Variants in NLGN1 observed in about 807,000 individuals in gnomAD.
NLGN1 encodes the protein neuroligin 1, also known as neuroligin-1.
NLGN1 carries 12 observed loss-of-function variants against 65.5 expected under a neutral mutation model. That is an observed-to-expected ratio of 0.18 (90% CI 0.12 to 0.30). The LOEUF is 0.30. NLGN1 is among the 10% of genes least tolerant of loss of function. The probability of loss-of-function intolerance (pLI) is 1.00; values close to 1 mark genes in which losing one functional copy is unlikely to be tolerated. For synonymous variants in NLGN1, 350 were observed against 359.5 expected (o/e 0.97, Z 0.30); for missense variants, 750 against 1,007.1 (o/e 0.74, Z 3.46).
At chr3:174,230,532 A>T (rs970849513) in intron 4 of NLGN1, among the ~76,000 whole-genome samples, 7 of 152,230 alleles carry the variant, frequency 4.6e-5, no homozygotes, top group African/African-American at 7.2e-5. Context: ...TTTCATTATC[A>T]ACAATTAAAA....
At position 173,676,987 on chromosome 3, in the gene NLGN1, G is replaced by T. The variant is rs758716660; in HGVS notation, c.493+71896G>T. Among the ~76,000 whole-genome samples the T allele has an allele frequency of 2.8e-4, 43 of 152,184 alleles. No homozygotes were observed. In the Middle Eastern group the frequency reaches 0.01, roughly 36 times the overall value. The stretch of plus-strand genomic sequence containing the variant: ...TTGAATTAATTTAAAAGTGAACTGT[G>T]GGAAAATAGGTTCGGTGATAGAGCA... On this transcript the variant is annotated intron_variant, in intron 3 of 6. Transcript: ENST00000457714.
chr3:173,864,691 TGA>T (rs1306303595), intron 4 of NLGN1, among the ~76,000 whole-genome samples: 1 of 152,224 alleles, frequency 6.6e-6, no homozygotes, highest in Non-Finnish European at 1.5e-5. Flanking sequence ...TGTATGCAAC[TGA>T]AACTTACACG....
intron 4 of NLGN1, among the ~76,000 whole-genome samples, chr3:174,116,510 A>G (rs983028047): frequency 1.9e-4 from 29 of 150,948 alleles, no homozygotes; most frequent in African/African-American, 6.8e-4. Context: ...GCTAATATTT[A>G]TATTTTTTGT....
chr3:174,289,957 A>ATATATATATGTGTATATATATGTG, downstream of NLGN1, among the ~76,000 whole-genome samples: 1 of 41,550 alleles, frequency 2.4e-5, no homozygotes, highest in South Asian at 5.1e-4. Flanking sequence ...ATATATGTGT[A>ATATATATATGTGTATATATATGTG]TATATATATA....
chr3:173,534,483 A>G (rs1737119666), intron 2 of NLGN1, among the ~76,000 whole-genome samples: 1 of 152,068 alleles, frequency 6.6e-6, no homozygotes, highest in Non-Finnish European at 1.5e-5. Context: ...TCTTCCCCCC[A>G]TGGCACTTTG....
chr3:174,037,006 TGGAC>T (rs1447318981), intron 4 of NLGN1, among the ~76,000 whole-genome samples: 1 of 152,232 alleles, frequency 6.6e-6, no homozygotes, highest in Non-Finnish European at 1.5e-5. Flanking sequence ...CTACCGCTTA[TGGAC>T]ATTAGGTTAA....
chr3:173,437,695 G>A (rs764974389), intron 2 of NLGN1, among the ~76,000 whole-genome samples: 21 of 152,028 alleles, frequency 1.4e-4, no homozygotes, highest in Middle Eastern at 3.4e-3. Flanking sequence ...ATCGTGCATC[G>A]TGTGTTGTTT....
chr3:174,037,801 A>C (rs1731461992), intron 4 of NLGN1, among the ~76,000 whole-genome samples: 1 of 152,144 alleles, frequency 6.6e-6, no homozygotes, highest in South Asian at 2.1e-4. Flanking sequence ...GCCTTAGATG[A>C]AGGTTAAGGC....
intron 4 of NLGN1, among the ~76,000 whole-genome samples, chr3:174,230,212 A>T (rs1258425644): frequency 1.3e-5 from 2 of 152,162 alleles, no homozygotes; most frequent in African/African-American, 4.8e-5. Flanking sequence ...AAAAAGCACA[A>T]CTTGAAACTT....
chr3:173,705,919 G>A (rs943590484), intron 3 of NLGN1, among the ~76,000 whole-genome samples: 14 of 151,978 alleles, frequency 9.2e-5, no homozygotes, highest in Non-Finnish European at 1.9e-4. Flanking sequence ...TACAAACCAG[G>A]AAAAAATTCT....
intron 3 of NLGN1, among the ~76,000 whole-genome samples, chr3:173,758,045 A>G (rs1777401295): frequency 6.6e-6 from 1 of 152,054 alleles, no homozygotes; most frequent in Non-Finnish European, 1.5e-5. Context: ...GGCAGTTAAG[A>G]TTGTATGAGG....
chr3:174,272,712 G>GATAGATAGATAGATAGATAGAT (rs2152881031), intron 4 of NLGN1, among the ~76,000 whole-genome samples: 1 of 141,908 alleles, frequency 7.0e-6, no homozygotes, highest in Admixed American at 7.2e-5. Flanking sequence ...GATAGATATA[G>GATAGATAGATAGATAGATAGAT]ATAGATAGAA....
At chr3:173,944,124 GGTGTGTGTGTGTGTGT>G in intron 4 of NLGN1, among the ~76,000 whole-genome samples, 1 of 139,596 alleles carries the variant, frequency 7.2e-6, no homozygotes, top group South Asian at 2.3e-4. Context: ...TAATATTATG[GGTGTGTGTGTGTGTGT>G]GTGTGTGTGT....
chr3:173,801,766 T>C (rs908894549), intron 3 of NLGN1, among the ~76,000 whole-genome samples: 3 of 152,074 alleles, frequency 2.0e-5, no homozygotes, highest in African/African-American at 4.8e-5. Flanking sequence ...TTGAAACAAA[T>C]CATTATCGCT....
At chr3:173,818,137 G>A (rs548284947) in intron 4 of NLGN1, among the ~76,000 whole-genome samples, 1 of 152,190 alleles carries the variant, frequency 6.6e-6, no homozygotes, top group South Asian at 2.1e-4. Context: ...TTATTAAGCA[G>A]CCACTATAGC....
rs141095727 is a variant in NLGN1, at chr3:173,415,943, A to AGAGCGAGCGAGC, written c.-390+17457_-390+17458insAGCGAGCGAGCG. On this transcript the variant is annotated intron_variant, in intron 1 of 6. Transcript: ENST00000457714. Reference sequence around the variant, plus strand: ...GGGAGAGAGAGAGAGAGAGAGAGAGAGCTTGGTATAGAGCCTAACACACAA... The same window carrying AGAGCGAGCGAGC: ...GGGAGAGAGAGAGAGAGAGAGAGAGAGAGCGAGCGAGCGCTTGGTATAGAGCCTAACACACAA... 2.8e-3 allele frequency among the ~76,000 whole-genome samples: 395 copies of AGAGCGAGCGAGC among 142,834 alleles called. 2 individuals are homozygous for AGAGCGAGCGAGC. Among genetic ancestry groups the AGAGCGAGCGAGC allele is most frequent in the South Asian group, 6.8e-3 (30 of 4,412 alleles). The allele number at this position is 142,834 out of a possible 152,430, so 93.7% of individuals were successfully genotyped here.
intron 3 of NLGN1, among the ~76,000 whole-genome samples, chr3:173,780,216 C>A (rs1053162663): frequency 6.6e-6 from 1 of 152,172 alleles, no homozygotes; most frequent in African/African-American, 2.4e-5. Flanking sequence ...TTGTATTAAT[C>A]TACAGTTGCT....
chr3:173,871,903 A>G (rs535639078), intron 4 of NLGN1, among the ~76,000 whole-genome samples: 3 of 152,340 alleles, frequency 2.0e-5, no homozygotes, highest in Non-Finnish European at 4.4e-5. Context: ...GTGACATTCA[A>G]GAAAACATGA....
chr3:173,757,397 C>G (rs1262002966), intron 3 of NLGN1, among the ~76,000 whole-genome samples: 4 of 151,814 alleles, frequency 2.6e-5, no homozygotes, highest in African/African-American at 9.7e-5. Flanking sequence ...TCTAATCATG[C>G]CTTTAGAGCT....
Sources: gnomAD v4.1 joint callset for allele counts (sites outside exome capture counted in the v4.1 genomes callset) on GRCh38, gnomAD v4.1.1 for gene constraint, MANE v1.5 for transcripts, NCBI Gene and HGNC (gene_info 2026-07-23, HGNC 2026-07-21) for gene names.